The following FMO1 variants were observed in gnomAD, a reference collection of about 807,000 sequenced individuals.
FMO1 encodes the protein flavin containing dimethylaniline monoxygenase 1.
In FMO1, 36 loss-of-function variants were observed where a neutral mutation model predicts 45.4. The ratio of observed to expected loss-of-function variants is 0.79; its 90% CI spans 0.61 to 1.05. The LOEUF (loss-of-function observed/expected upper bound fraction) is 1.05, where lower values mean the gene tolerates loss of function less well. FMO1 is among the 50% of genes least tolerant of loss of function. FMO1 has a pLI of 0.00. For missense variants in FMO1, 615 were observed against 640.3 expected (o/e 0.96, Z 0.43); for synonymous variants, 228 against 227.2 (o/e 1.00, Z -0.03).
Position 171,282,163 on chromosome 1 carries a change from T to A in FMO1, c.1013T>A (p.Leu338His), listed in dbSNP as rs774382789. ...ATGYTFAFPF[L>H]DESVVKVEDG... ...GGATACACATTTGCTTTCCCCTTCC[T>A]TGATGAGTCTGTAGTGAAAGTTGAA... Residue 338 changes from leucine (L) to histidine (H), a missense_variant, in exon 7 of 9, where the codon CTT (leucine) becomes CAT (histidine). Leu to His is a moderately conservative substitution (Grantham distance 99). Transcript: ENST00000617670. 1 of 1,614,038 alleles carries A rather than the reference T, an allele frequency of 6.2e-7. No homozygotes were observed. Among genetic ancestry groups the A allele is most frequent in the South Asian group, 1.1e-5 (1 of 91,080 alleles).
At chr1:171,253,047 A>G (rs1659969404) in intron 1 of FMO1, among the ~76,000 whole-genome samples, 1 of 152,164 alleles carries the variant, frequency 6.6e-6, no homozygotes. Context: ...CTCACGTTTG[A>G]CAACAACTCA....
intron 1 of FMO1, among the ~76,000 whole-genome samples, chr1:171,255,658 T>C (rs1355515294): frequency 6.6e-6 from 1 of 152,138 alleles, no homozygotes; most frequent in African/African-American, 2.4e-5. Flanking sequence ...CTACTAGCCT[T>C]TCTCCAGGCC....
intron 3 of FMO1, among the ~76,000 whole-genome samples, chr1:171,274,266 CTT>C (rs763261289): frequency 2.8e-5 from 4 of 141,962 alleles, no homozygotes; most frequent in African/African-American, 5.1e-5. Flanking sequence ...TAATGACAAG[CTT>C]TTTTTTTTTT....
At chr1:171,270,119 G>T (rs1660786735) in intron 3 of FMO1, among the ~76,000 whole-genome samples, 1 of 152,134 alleles carries the variant, frequency 6.6e-6, no homozygotes, top group Non-Finnish European at 1.5e-5. Flanking sequence ...ATGGTAATGG[G>T]AGTTAAAGAA....
intron 3 of FMO1, chr1:171,271,418 T>C: frequency 1.9e-6 from 2 of 1,061,602 alleles, no homozygotes; most frequent in Non-Finnish European, 2.9e-6. Context: ...CAAATTGTCC[T>C]TTCTCTTTAG....
At chr1:171,269,471 T>C (rs1483636800) in intron 3 of FMO1, among the ~76,000 whole-genome samples, 1 of 152,208 alleles carries the variant, frequency 6.6e-6, no homozygotes, top group Non-Finnish European at 1.5e-5. Flanking sequence ...ACCTCTGCAA[T>C]TATTAGTTTA....
chr1:171,271,699 T>C (rs967464885), intron 3 of FMO1: 1 of 596,768 alleles, frequency 1.7e-6, no homozygotes, highest in Admixed American at 2.8e-5. Context: ...TCTTATGTTC[T>C]AGCAATGAGA....
In FMO1 at chr1:171,285,409, C is replaced by T. The variant is rs894298371; in HGVS notation, c.1464C>T (p.Ile488=). The T allele has an allele frequency of 1.9e-6, 3 of 1,613,116 alleles. No individual in the cohort carries two copies. Among genetic ancestry groups the T allele is most frequent in the East Asian group, 2.2e-5 (1 of 44,840 alleles). Residue 488 remains isoleucine, a synonymous_variant, in exon 9 of 9, where the codon ATC becomes ATT. Coordinates refer to ENST00000617670, the MANE Select transcript of FMO1 (RefSeq NM_001282693.2). ...PGKWEGARNA[I]MTQWDRTFKV... The stretch of plus-strand genomic sequence containing the variant: ...AATGGGAAGGAGCCAGAAATGCCAT[C>T]ATGACCCAGTGGGACCGAACATTCA...
chr1:171,280,724 T>C (rs1661312145), intron 5 of FMO1, 62 bp from the exon 6 acceptor site: 3 of 1,435,032 alleles, frequency 2.1e-6, no homozygotes, highest in Admixed American at 3.4e-5. Flanking sequence ...CTTGAATCTC[T>C]GGCAGAACCA....
chr1:171,283,778 T>C (rs535211644), intron 8 of FMO1, among the ~76,000 whole-genome samples: 52 of 152,286 alleles, frequency 3.4e-4, no homozygotes, highest in African/African-American at 1.1e-3. Context: ...ATAAATAAAA[T>C]TTTATTAGAA....
chr1:171,278,794 G>A lies in FMO1; in HGVS notation c.550G>A (p.Asp184Asn), dbSNP rs1407348271. ...ATATAAGCATCCAGATATATTTAAG[G>A]ACAAGAGAGTCCTTGTGATTGGAAT... ...RQYKHPDIFK[D>N]KRVLVIGMGN... Residue 184 changes from aspartate (D) to asparagine (N), a missense_variant, in exon 5 of 9, where the codon GAC (aspartate) becomes AAC (asparagine). Physicochemically the swap from Asp to Asn is conservative, Grantham distance 23. Transcript: ENST00000617670. 1.2e-6 allele frequency: 2 copies of A among 1,612,538 alleles called. No individual in the cohort carries two copies. The highest frequency in any genetic ancestry group is 8.5e-7 in the Non-Finnish European group (1 of 1,178,822).
chr1:171,284,638 A>T (rs1316858360), intron 8 of FMO1, among the ~76,000 whole-genome samples: 3 of 151,804 alleles, frequency 2.0e-5, no homozygotes, highest in Non-Finnish European at 4.4e-5. Context: ...TTCCTAAGCC[A>T]GGAGGATCGC....
chr1:171,249,816 T>A (rs4480395), intron 1 of FMO1, among the ~76,000 whole-genome samples: 69,852 of 151,902 alleles, frequency 0.46, 16,621 homozygotes, highest in East Asian at 0.61. Flanking sequence ...TCCTAGTAAA[T>A]GCATAGGTGA....
chr1:171,282,251 C>T lies in FMO1; in HGVS notation c.1101C>T (p.Ala367=). The change falls in exon 7 of 9, where the codon GCC becomes GCT. Residue 367 remains alanine (A), a synonymous_variant. Coordinates refer to ENST00000617670, the MANE Select transcript of FMO1 (RefSeq NM_001282693.2). ...FPAHLQKPTL[A]IIGLIKPLGS... ...CACATCTGCAAAAGCCAACCCTGGC[C>T]ATTATTGGCCTCATCAAACCCTTGG... The T allele has an allele frequency of 6.2e-7, 1 of 1,613,970 alleles. No homozygotes were observed. The highest frequency in any genetic ancestry group is 8.5e-7 in the Non-Finnish European group (1 of 1,179,906).
At chr1:171,255,124 G>A (rs28384845) in intron 1 of FMO1, among the ~76,000 whole-genome samples, 23 of 152,200 alleles carry the variant, frequency 1.5e-4, no homozygotes, top group South Asian at 6.2e-4. Flanking sequence ...AGGGCATTTC[G>A]TTTCACCCTC....
chr1:171,270,834 A>C (rs1235231406), intron 3 of FMO1: 1 of 746,006 alleles, frequency 1.3e-6, no homozygotes, highest in East Asian at 3.1e-5. Context: ...GACACTGTAC[A>C]GTTTAAAAAC....
intron 4 of FMO1, among the ~76,000 whole-genome samples, chr1:171,278,400 T>A (rs1407630736): frequency 6.6e-6 from 1 of 152,218 alleles, no homozygotes; most frequent in East Asian, 1.9e-4. Context: ...AACATTATTG[T>A]CCTGTTGACT....
At chr1:171,259,943 C>G (rs1315499900) in intron 2 of FMO1, among the ~76,000 whole-genome samples, 1 of 152,166 alleles carries the variant, frequency 6.6e-6, no homozygotes, top group African/African-American at 2.4e-5. Context: ...AAGTCAGAAA[C>G]AGTGCTGTGA....
intron 3 of FMO1, chr1:171,270,969 AT>A (rs1358748670): frequency 1.2e-6 from 1 of 853,916 alleles, no homozygotes; most frequent in African/African-American, 1.7e-5. Context: ...CATCTTCTTC[AT>A]CTTCATCTTC....
Sources: allele counts gnomAD v4.1 joint callset (sites outside exome capture counted in the v4.1 genomes callset), GRCh38; gene constraint gnomAD v4.1.1; transcripts MANE v1.5; gene names NCBI Gene and HGNC (gene_info 2026-07-23, HGNC 2026-07-21).